The following CRYZL1 variants were observed in gnomAD, a reference collection of about 807,000 sequenced individuals.
CRYZL1 encodes the protein ferry endosomal RAB5 effector complex subunit 4.
In CRYZL1, 34 loss-of-function variants were observed where a neutral mutation model predicts 50.6. That is an observed-to-expected ratio of 0.67 (90% CI 0.51 to 0.89). CRYZL1 has a LOEUF of 0.89. Among genes scored for constraint, CRYZL1 ranks in the 40% least tolerant of loss-of-function variants. The probability of loss-of-function intolerance (pLI) is 0.00; values close to 1 mark genes in which losing one functional copy is unlikely to be tolerated. For missense variants in CRYZL1, 354 were observed against 402.3 expected, an observed-to-expected ratio of 0.88 and a Z score of 1.03; for synonymous variants, 125 against 134.3, an observed-to-expected ratio of 0.93 and a Z score of 0.48.
intron 6 of CRYZL1, among the ~76,000 whole-genome samples, chr21:33,607,683 A>G (rs983030554): frequency 1.3e-5 from 2 of 152,188 alleles, no homozygotes; most frequent in Non-Finnish European, 2.9e-5. Context: ...ATTAAAAATA[A>G]AAACAAATTA....
chr21:33,628,198 A>G (rs1359225043), intron 2 of CRYZL1, among the ~76,000 whole-genome samples: 3 of 151,654 alleles, frequency 2.0e-5, no homozygotes, highest in Non-Finnish European at 4.4e-5. Flanking sequence ...GGAACTAAAA[A>G]CTCTTTTGCA....
At chr21:33,595,099 G>A (rs1185552046) in intron 11 of CRYZL1, 2 of 885,326 alleles carry the variant, frequency 2.3e-6, no homozygotes, top group Non-Finnish European at 2.8e-6. Context: ...CTACTCTAAA[G>A]AGGTTTGCAC....
At chr21:33,627,704 T>C (rs1318577471) in intron 2 of CRYZL1, among the ~76,000 whole-genome samples, 2 of 151,108 alleles carry the variant, frequency 1.3e-5, no homozygotes, top group African/African-American at 2.4e-5. Flanking sequence ...GAAAATAATA[T>C]CTTTCTACCT....
chr21:33,619,180 C>T (rs1021803473), intron 4 of CRYZL1, among the ~76,000 whole-genome samples: 3 of 152,168 alleles, frequency 2.0e-5, no homozygotes, highest in Admixed American at 6.5e-5. Flanking sequence ...GTAAGCCATT[C>T]CTGGTTCTGA....
chr21:33,605,725 T>C (rs1401453462), intron 6 of CRYZL1, among the ~76,000 whole-genome samples: 3 of 151,644 alleles, frequency 2.0e-5, no homozygotes, highest in African/African-American at 7.3e-5. Flanking sequence ...GGTTTCACCA[T>C]GTTGGCCAGG....
At chr21:33,609,350 A>G (rs2086846092) in intron 6 of CRYZL1, among the ~76,000 whole-genome samples, 1 of 152,180 alleles carries the variant, frequency 6.6e-6, no homozygotes, top group Admixed American at 6.5e-5. Context: ...GACAGGCTAG[A>G]GTGCAGTGGC....
intron 5 of CRYZL1, chr21:33,616,168 A>T (rs2086929657): frequency 6.6e-6 from 1 of 152,406 alleles, no homozygotes; most frequent in Non-Finnish European, 1.5e-5. Context: ...TATGAGTGAG[A>T]ATATGCGGTG....
rs1395555728 is a variant in CRYZL1, at chr21:33,603,075, G to A, written c.465+329C>T. Reference sequence around the variant, plus strand: ...ACTTGATCAACGTAAGTGTGAGGGTGGGAAATAGGCTACAAAGCTATTAGG... The same window carrying A: ...ACTTGATCAACGTAAGTGTGAGGGTAGGAAATAGGCTACAAAGCTATTAGG... On this transcript the variant is annotated intron_variant, in intron 7 of 12. Coordinates refer to ENST00000381554, the MANE Select transcript of CRYZL1 (RefSeq NM_145858.3). 5 of 238,500 alleles carry A rather than the reference G, an allele frequency of 2.1e-5. No individual in the cohort carries two copies. In the East Asian group the frequency reaches 3.3e-4, roughly 16 times the overall value. The allele number at this position is 238,500 out of a possible 1,614,324, so 14.8% of individuals were successfully genotyped here. A position where few individuals can be genotyped will look rare whatever the true frequency, so the allele number is the denominator to read the frequency against.
At chr21:33,613,122 AGCTTGAGATGAGT>A (rs1477542437) in intron 6 of CRYZL1, among the ~76,000 whole-genome samples, 2 of 152,300 alleles carry the variant, frequency 1.3e-5, no homozygotes, top group South Asian at 2.1e-4. Flanking sequence ...CACCACACCT[AGCTTGAGATGAGT>A]GTTCTTGATT....
intron 2 of CRYZL1, among the ~76,000 whole-genome samples, chr21:33,625,231 C>T (rs892997567): frequency 6.6e-6 from 1 of 151,836 alleles, no homozygotes; most frequent in Non-Finnish European, 1.5e-5. Flanking sequence ...TCTCGGCTCA[C>T]TGCAAGCTCT....
At chr21:33,639,474 ATG>A (rs1436913767) in intron 1 of CRYZL1, among the ~76,000 whole-genome samples, 1 of 152,228 alleles carries the variant, frequency 6.6e-6, no homozygotes, top group Non-Finnish European at 1.5e-5. Context: ...TGGCTTAATT[ATG>A]TGACTCTGGG....
chr21:33,590,036 G>A (rs781071004), intron 12 of CRYZL1, 115 bp from the exon 13 acceptor site: 11 of 617,850 alleles, frequency 1.8e-5, no homozygotes, highest in Non-Finnish European at 2.8e-5. Flanking sequence ...TTAATTTTTT[G>A]AGACAGAGTC....
chr21:33,602,983 T>C (rs1035610392), intron 7 of CRYZL1, among the ~76,000 whole-genome samples: 4 of 152,246 alleles, frequency 2.6e-5, no homozygotes, highest in Non-Finnish European at 4.4e-5. Context: ...TTTTTTGATA[T>C]ATGTAATATG....
At chr21:33,611,907 C>A (rs1281396758) in intron 6 of CRYZL1, among the ~76,000 whole-genome samples, 1 of 152,124 alleles carries the variant, frequency 6.6e-6, no homozygotes, top group Non-Finnish European at 1.5e-5. Flanking sequence ...TGTTTGTATT[C>A]TTCTGTAACT....
intron 11 of CRYZL1, among the ~76,000 whole-genome samples, chr21:33,592,614 G>A (rs1377451970): frequency 2.0e-5 from 3 of 152,184 alleles, no homozygotes; most frequent in African/African-American, 4.8e-5. Flanking sequence ...GTAATTGCCC[G>A]TACTTCTGAA....
At chr21:33,640,120 T>G in intron 1 of CRYZL1, 2 of 1,543,126 alleles carry the variant, frequency 1.3e-6, no homozygotes, top group Non-Finnish European at 1.7e-6. Context: ...GCCACCACGC[T>G]CGGCCAATAT....
intron 1 of CRYZL1, chr21:33,641,288 TG>T: frequency 6.5e-7 from 1 of 1,549,724 alleles, no homozygotes; most frequent in East Asian, 2.4e-5. Flanking sequence ...AGCAAAGTGA[TG>T]AGGAAGAAAG....
intron 6 of CRYZL1, 143 bp from the exon 7 acceptor site, chr21:33,603,680 A>G: frequency 1.2e-6 from 1 of 806,458 alleles, no homozygotes; most frequent in Non-Finnish European, 1.9e-6. Flanking sequence ...AATACTTTCC[A>G]TTATTTGCCC....
intron 6 of CRYZL1, among the ~76,000 whole-genome samples, chr21:33,612,911 T>C (rs1041016542): frequency 2.6e-5 from 4 of 152,056 alleles, no homozygotes; most frequent in African/African-American, 4.8e-5. Context: ...CTCAGCTCCA[T>C]CTCCAGAGTT....
Sources: gnomAD v4.1 joint callset for allele counts (sites outside exome capture counted in the v4.1 genomes callset) on GRCh38, gnomAD v4.1.1 for gene constraint, MANE v1.5 for transcripts, NCBI Gene and HGNC (gene_info 2026-07-23, HGNC 2026-07-21) for gene names.